EP400: variants seen among roughly 807,000 people sequenced by gnomAD.
EP400 encodes E1A binding protein p400, also known as E1A-binding protein p400.
In EP400, 105 loss-of-function variants were observed where a neutral mutation model predicts 354.1. The observed-to-expected ratio is 0.30, with a 90% CI of 0.25 to 0.35. The LOEUF (loss-of-function observed/expected upper bound fraction) is 0.35. EP400 is among the 10% of genes least tolerant of loss of function. The pLI is 1.00. For missense variants in EP400, 3,280 were observed against 4,121.0 expected (o/e 0.80, Z 5.59); for synonymous variants, 1,646 against 1,716.9 (o/e 0.96, Z 1.02).
Position 132,053,164 on chromosome 12 carries a change from G to A in EP400, c.7413G>A (p.Lys2471=), listed in dbSNP as rs1895362429. The change falls in exon 42 of 53, where the codon AAG becomes AAA. Residue 2471 remains lysine, a synonymous_variant. Coordinates refer to ENST00000389561, the MANE Select transcript of EP400 (RefSeq NM_015409.5). ...CTTTCAGTGGAATCAACTATGACAAGCCGCTGCCTCCCATCCAGGTGGCAT... is the reference window on the plus strand; with the variant it reads ...CTTTCAGTGGAATCAACTATGACAAACCGCTGCCTCCCATCCAGGTGGCAT... The part of the protein sequence containing the change: ...VLAESGINYD[K]PLPPIQVASL... The A allele has an allele frequency of 6.2e-7, 1 of 1,614,044 alleles. No homozygotes were observed. The highest frequency in any genetic ancestry group is 2.2e-5 in the East Asian group (1 of 44,868).
chr12:131,976,261 G>A (rs1041646896), intron 2 of EP400, among the ~76,000 whole-genome samples: 4 of 152,004 alleles, frequency 2.6e-5, no homozygotes, highest in South Asian at 2.1e-4. Context: ...AGTATGGCTC[G>A]TGTTTTTTGT....
At chr12:131,980,753 C>T (rs909836441) in intron 3 of EP400, among the ~76,000 whole-genome samples, 1 of 152,174 alleles carries the variant, frequency 6.6e-6, no homozygotes, top group African/African-American at 2.4e-5. Flanking sequence ...TGTGGTCCCA[C>T]TATGTTGCCC....
rs1211307983 is a variant in EP400 at position 132,070,644 on chromosome 12, G to A, written c.9021+1003G>A. 6.6e-6 allele frequency among the ~76,000 whole-genome samples: 1 copy of A among 152,234 alleles called. No homozygotes were observed. Among genetic ancestry groups the A allele is most frequent in the East Asian group, 1.9e-4 (1 of 5,202 alleles). On this transcript the variant is annotated intron_variant, in intron 51 of 52. Coordinates refer to ENST00000389561, the MANE Select transcript of EP400 (RefSeq NM_015409.5). The surrounding 1 kb of genome is among the most constrained non-coding windows in gnomAD (Gnocchi z 4.1). The stretch of plus-strand genomic sequence containing the variant: ...TTTTTATTAGAATTGCATTGATTCT[G>A]TAGCTGTTCAGGGGAGAGTTGACAT...
chr12:131,980,948 A>G (rs139284039), intron 3 of EP400, among the ~76,000 whole-genome samples: 122 of 152,368 alleles, frequency 8.0e-4, no homozygotes, highest in African/African-American at 2.9e-3. Flanking sequence ...ATTGCCCACC[A>G]AAAGGACAGG....
rs1420629467 is a variant in EP400, at chr12:132,032,139, C to T, written c.5941C>T (p.His1981Tyr). The T allele has an allele frequency of 6.2e-7, 1 of 1,613,030 alleles. No individual in the cohort carries two copies. Among genetic ancestry groups the T allele is most frequent in the Middle Eastern group, 1.7e-4 (1 of 6,020 alleles). The change falls in exon 30 of 53, where the codon CAC becomes TAC. Residue 1981 changes from histidine (H) to tyrosine (Y), a missense_variant. His to Tyr is a moderately conservative substitution (Grantham distance 83). Transcript: ENST00000389561. ...CDRIGRCKDI[H>Y]IYRLVSGNSI... Reference sequence around the variant, plus strand: ...TAGGATCGGGAGATGCAAAGACATCCACATATACAGGTGAGGGCCTGCGGG... The same window carrying T: ...TAGGATCGGGAGATGCAAAGACATCTACATATACAGGTGAGGGCCTGCGGG...
intron 5 of EP400, among the ~76,000 whole-genome samples, chr12:131,986,135 T>C (rs1892846345): frequency 6.6e-6 from 1 of 152,048 alleles, no homozygotes; most frequent in South Asian, 2.1e-4. Flanking sequence ...CCACCACACC[T>C]GGCTAATTTT....
In EP400 at chr12:132,053,412, C is replaced by CA; in HGVS notation, c.7543_7544insA (p.Pro2515HisfsTer67). On this transcript the variant is annotated frameshift_variant, in exon 43 of 53. Transcript: ENST00000389561. LOFTEE classifies it high-confidence loss of function. ...GCCACCCCCGCCCCAGCCGCAGCCC[C>CA]CACCACCCCCGCAGCAGCCACCGCC... 1 of 1,529,418 alleles carries CA rather than the reference C, an allele frequency of 6.5e-7. No homozygotes were observed. The highest frequency in any genetic ancestry group is 8.7e-7 in the Non-Finnish European group (1 of 1,142,992). 94.7% of individuals were successfully genotyped at this position (1,529,418 alleles called of 1,614,324 possible). A position where few individuals can be genotyped will look rare whatever the true frequency, so the allele number is the denominator to read the frequency against.
Position 132,069,571 on chromosome 12 carries a change from A to C in EP400, c.8951A>C (p.Gln2984Pro), listed in dbSNP as rs1421177710. The C allele has an allele frequency of 1.9e-6, 3 of 1,614,098 alleles. No homozygotes were observed. Among genetic ancestry groups the C allele is most frequent in the Non-Finnish European group, 2.5e-6 (3 of 1,180,028 alleles). The part of the protein sequence containing the change: ...AYAAQPALKT[Q>P]FLTTPISQAQ... ...GCCGCGCAGCCGGCCCTTAAGACCC[A>C]GTTTCTTACCACACCCATCTCCCAG... Residue 2984 changes from glutamine to proline, a missense_variant, in exon 51 of 53, where the codon CAG (glutamine) becomes CCG (proline). Transcript: ENST00000389561.
In EP400 at chr12:132,058,353, A is replaced by ATT. The variant is rs60226464; in HGVS notation, c.7884+3163_7884+3164dup. Among the ~76,000 whole-genome samples, 815 of 129,506 alleles carry ATT rather than the reference A, an allele frequency of 6.3e-3. 22 individuals are homozygous for ATT. Among genetic ancestry groups the ATT allele is most frequent in the African/African-American group, 0.016 (544 of 33,494 alleles). 85.0% of individuals were successfully genotyped at this position (129,506 alleles called of 152,430 possible). A position where few individuals can be genotyped will look rare whatever the true frequency, so the allele number is the denominator to read the frequency against. On this transcript the variant is annotated intron_variant, in intron 45 of 52. Transcript: ENST00000389561. ...CTTTGGATATTGGGCTAAAGATTGG[A>ATT]TTTTTTTTTTTTTTTTTTTGAGACA... is the stretch of plus-strand genomic sequence containing the variant.
chr12:132,066,793 A>C lies in EP400; in HGVS notation c.8573A>C (p.Gln2858Pro). 9.9e-6 allele frequency: 16 copies of C among 1,613,886 alleles called. No homozygotes were observed. Among genetic ancestry groups the C allele is most frequent in the Non-Finnish European group, 1.4e-5 (16 of 1,179,932 alleles). Residue 2858 changes from glutamine to proline, a missense_variant, in exon 49 of 53, where the codon CAG (glutamine) becomes CCG (proline). Physicochemically the swap from Gln to Pro is moderately conservative, Grantham distance 76. Transcript: ENST00000389561. ...VARLTRVPTS[Q>P]LQAQGQMQTQ... ...GTTTAGACCCGGGTTCCCACTTCTC[A>C]GCTGCAGGCGCAAGGGCAGATGCAG... is the stretch of plus-strand genomic sequence containing the variant.
In EP400 at chr12:132,013,384, C is replaced by T. The variant is rs1893826306; in HGVS notation, c.3612-106C>T. 7.7e-6 allele frequency: 11 copies of T among 1,426,920 alleles called. No individual in the cohort carries two copies. Among genetic ancestry groups the T allele is most frequent in the Admixed American group, 6.9e-5 (3 of 43,614 alleles). The allele number at this position is 1,426,920 out of a possible 1,614,324, so 88.4% of individuals were successfully genotyped here. A position where few individuals can be genotyped will look rare whatever the true frequency, so the allele number is the denominator to read the frequency against. ...TCAGGCATGTGCACGTTGACATTTG[C>T]GGTGTCAAATTACTGTCCCTTTTCT... On this transcript the variant is annotated intron_variant, in intron 17 of 52. Coordinates refer to ENST00000389561, the MANE Select transcript of EP400 (RefSeq NM_015409.5). This position sits in a 1 kb window ranked among gnomAD's most constrained non-coding sequence, Gnocchi z 4.5.
chr12:132,062,353 A>C, intron 46 of EP400, 30 bp downstream of exon 46: 1 of 1,613,546 alleles, frequency 6.2e-7, no homozygotes, highest in Non-Finnish European at 8.5e-7. Context: ...TTTCTCTGCC[A>C]CACGTCTGCT....
chr12:132,036,849 A>G lies in EP400; in HGVS notation c.5952-833A>G, dbSNP rs529310326. 4.6e-5 allele frequency among the ~76,000 whole-genome samples: 7 copies of G among 152,210 alleles called. No individual in the cohort carries two copies. The South Asian group carries it at 1.2e-3, about 27-fold the overall frequency. On this transcript the variant is annotated intron_variant, in intron 30 of 52. Coordinates refer to ENST00000389561, the MANE Select transcript of EP400 (RefSeq NM_015409.5). ...CTGTTGATGAAGTTGTCCATCCACT[A>G]TTTCCCTTTATCACGTATTTAGTTC...
intron 34 of EP400, 48 bp from the exon 35 acceptor site, chr12:132,044,129 C>G (rs1895004269): frequency 1.2e-6 from 2 of 1,605,968 alleles, no homozygotes; most frequent in Non-Finnish European, 1.7e-6. Context: ...GGGGGCTGCT[C>G]TGAGCTGCAC....
chr12:132,011,405 C>T (rs1165463041), intron 15 of EP400, 93 bp from the exon 16 acceptor site: 3 of 1,486,258 alleles, frequency 2.0e-6, no homozygotes, highest in South Asian at 2.6e-5. Flanking sequence ...GACACATACT[C>T]ATACTGATGA....
At chr12:131,988,823 T>C (rs1484924991) in intron 7 of EP400, among the ~76,000 whole-genome samples, 7 of 152,162 alleles carry the variant, frequency 4.6e-5, no homozygotes, top group Admixed American at 3.9e-4. Context: ...TTCTGTACTC[T>C]TAACGCTATG....
In EP400 at chr12:132,067,244, T is replaced by C. The variant is rs1895921132; in HGVS notation, c.8750-118T>C. The C allele has an allele frequency of 1.4e-6, 2 of 1,436,536 alleles. No individual in the cohort carries two copies. The highest frequency in any genetic ancestry group is 4.6e-5 in the East Asian group (2 of 43,024). 89.0% of individuals were successfully genotyped at this position (1,436,536 alleles called of 1,614,324 possible). The stretch of plus-strand genomic sequence containing the variant: ...GTAGTTAAGGGATGGCTTACTTGTC[T>C]CCATAGAGTTTCATAGTTTGTTATT... On this transcript the variant is annotated intron_variant, in intron 49 of 52. Transcript: ENST00000389561. The surrounding 1 kb of genome is among the most constrained non-coding windows in gnomAD (Gnocchi z 5.3).
At position 131,965,058 on chromosome 12, in the gene EP400, A is replaced by T. The variant is rs1368624998; in HGVS notation, c.1335+3104A>T. ...TTTGTACAGTGTCCTTTGATGTGGG[A>T]TTGTCTGATGTTTTCTTGTGTCCTC... is the stretch of plus-strand genomic sequence containing the variant. On this transcript the variant is annotated intron_variant, in intron 2 of 52. Coordinates refer to ENST00000389561, the MANE Select transcript of EP400 (RefSeq NM_015409.5). Among the ~76,000 whole-genome samples, 3 of 152,182 alleles carry T rather than the reference A, an allele frequency of 2.0e-5. No individual in the cohort carries two copies. In the East Asian group the frequency reaches 5.8e-4, roughly 29 times the overall value.
chr12:132,023,978 T>A (rs769738385), intron 24 of EP400, 37 bp downstream of exon 24: 1 of 1,520,580 alleles, frequency 6.6e-7, no homozygotes. Flanking sequence ...ATGCCAAAAA[T>A]GACAAAAGCG....
Sources: gnomAD v4.1 joint callset for allele counts (sites outside exome capture counted in the v4.1 genomes callset) on GRCh38, gnomAD v4.1.1 for gene constraint, Gnocchi (gnomAD v3.1) non-coding constraint, MANE v1.5 for transcripts, NCBI Gene and HGNC (gene_info 2026-07-23, HGNC 2026-07-21) for gene names.